LIN7C: variants seen among roughly 807,000 people sequenced by gnomAD.
The protein encoded by LIN7C is protein lin-7 homolog C.
Under a neutral mutation model 24.7 loss-of-function variants are expected in LIN7C, and 17 were observed. The observed-to-expected ratio is 0.69, with a 90% CI of 0.47 to 1.03. LIN7C has a LOEUF of 1.03. Ranked by LOEUF, LIN7C falls within the 50% of genes least tolerant of loss-of-function variation. The pLI, the probability that LIN7C is intolerant of heterozygous loss-of-function variation, is 0.00. For missense variants in LIN7C, 204 were observed against 239.0 expected (o/e 0.85, Z 0.97); for synonymous variants, 90 against 83.4 (o/e 1.08, Z -0.43).
intron 1 of LIN7C, among the ~76,000 whole-genome samples, chr11:27,504,230 C>T (rs1035609585): frequency 2.0e-5 from 3 of 151,982 alleles, no homozygotes; most frequent in African/African-American, 7.3e-5. Flanking sequence ...CCAGAATGAC[C>T]GATACATGGG....
In LIN7C at chr11:27,499,556, C is replaced by T. The variant is rs1320245357; in HGVS notation, c.241G>A (p.Ala81Thr). The change falls in exon 4 of 5, where the codon GCA becomes ACA. Residue 81 changes from alanine (A) to threonine (T), a missense_variant. By Grantham distance (58) the Ala-to-Thr change is moderately conservative. This residue lies in a region of LIN7C where 126 missense variants were observed against 117.8 expected (regional missense o/e 1.07). Transcript: ENST00000278193. ...GAATGTCCTTCACTGGCAGCAAATG[C>T]AGCAACAGTAGCCTGAAAGAAAGTT... is the stretch of plus-strand genomic sequence containing the variant. ...ANATAKATVAAFAASEGHSHP... is the reference protein window; with the variant it reads ...ANATAKATVATFAASEGHSHP... 6.2e-7 allele frequency: 1 copy of T among 1,614,032 alleles called. No homozygotes were observed. Among genetic ancestry groups the T allele is most frequent in the Non-Finnish European group, 8.5e-7 (1 of 1,179,918 alleles).
rs930075526 is a variant in LIN7C at position 27,497,894 on chromosome 11, T to C, written c.*755A>G. ...TTATAATTTGATGTACGGTTGAACATAAATAGGGATGTAATAAGTAATGCT... is the reference window on the plus strand; with the variant it reads ...TTATAATTTGATGTACGGTTGAACACAAATAGGGATGTAATAAGTAATGCT... On this transcript the variant is annotated 3_prime_UTR_variant, in exon 5 of 5. Transcript: ENST00000278193. 5.3e-5 allele frequency: 8 copies of C among 152,156 alleles called. No individual in the cohort carries two copies. The highest frequency in any genetic ancestry group is 1.2e-4 in the Non-Finnish European group (8 of 67,970). 9.4% of individuals were successfully genotyped at this position (152,156 alleles called of 1,614,324 possible).
Position 27,501,974 on chromosome 11 carries a change from A to G in LIN7C, c.38-54T>C, listed in dbSNP as rs188466878. 2.1e-5 allele frequency: 23 copies of G among 1,072,342 alleles called. No homozygotes were observed. In the East Asian group the frequency reaches 4.3e-4, roughly 20 times the overall value. 66.4% of individuals were successfully genotyped at this position (1,072,342 alleles called of 1,614,324 possible). A position where few individuals can be genotyped will look rare whatever the true frequency, so the allele number is the denominator to read the frequency against. On this transcript the variant is annotated intron_variant, in intron 1 of 4. Coordinates refer to ENST00000278193, the MANE Select transcript of LIN7C (RefSeq NM_018362.4). Reference sequence around the variant, plus strand: ...TTCTCCAAGGGTTTTCTCAATGCCTATGTAACAGTGGGGCAGTTAGGATTC... The same window carrying G: ...TTCTCCAAGGGTTTTCTCAATGCCTGTGTAACAGTGGGGCAGTTAGGATTC...
In LIN7C at chr11:27,499,601, C is replaced by G. The variant is rs768316379; in HGVS notation, c.229-33G>C. 3.9e-6 allele frequency: 6 copies of G among 1,555,302 alleles called. No homozygotes were observed. In the South Asian group the frequency reaches 5.6e-5, roughly 15 times the overall value. ...AAAGTTTTACATATTAAAAATATGA[C>G]TTTTATTTACTTCAGTTCTTTCATC... On this transcript the variant is annotated intron_variant, in intron 3 of 4. Coordinates refer to ENST00000278193, the MANE Select transcript of LIN7C (RefSeq NM_018362.4).
intron 1 of LIN7C, among the ~76,000 whole-genome samples, chr11:27,502,831 G>T (rs1361679395): frequency 1.3e-5 from 2 of 152,224 alleles, no homozygotes; most frequent in Non-Finnish European, 2.9e-5. Flanking sequence ...AGAAATATTG[G>T]CTGGGAATAG....
At position 27,498,328 on chromosome 11, in the gene LIN7C, T is replaced by A. The variant is rs574524713; in HGVS notation, c.*321A>T. 1 of 189,434 alleles carries A rather than the reference T, an allele frequency of 5.3e-6. No homozygotes were observed. The highest frequency in any genetic ancestry group is 1.9e-4 in the South Asian group (1 of 5,222). The allele number at this position is 189,434 out of a possible 1,614,324, so 11.7% of individuals were successfully genotyped here. On this transcript the variant is annotated 3_prime_UTR_variant, in exon 5 of 5. Coordinates refer to ENST00000278193, the MANE Select transcript of LIN7C (RefSeq NM_018362.4). Reference sequence around the variant, plus strand: ...TTCCTTTCTAAAAAAAGATTAAGAATGTAAAAGTACATTTTAATATTAAAA... The same window carrying A: ...TTCCTTTCTAAAAAAAGATTAAGAAAGTAAAAGTACATTTTAATATTAAAA...
At position 27,496,466 on chromosome 11, in the gene LIN7C, G is replaced by A; in HGVS notation, c.*2183C>T. On this transcript the variant is annotated 3_prime_UTR_variant, in exon 5 of 5. Coordinates refer to ENST00000278193, the MANE Select transcript of LIN7C (RefSeq NM_018362.4). ...TGTACATCTTTGCCAATGAATGACTGTATTTTTCTATGGTCAAGATTTAAA... is the reference window on the plus strand; with the variant it reads ...TGTACATCTTTGCCAATGAATGACTATATTTTTCTATGGTCAAGATTTAAA... 1 of 152,134 alleles carries A rather than the reference G, an allele frequency of 6.6e-6. No individual in the cohort carries two copies. Among genetic ancestry groups the A allele is most frequent in the Non-Finnish European group, 1.5e-5 (1 of 68,034 alleles). 9.4% of individuals were successfully genotyped at this position (152,134 alleles called of 1,614,324 possible).
At chr11:27,502,228 C>T (rs745836218) in intron 1 of LIN7C, among the ~76,000 whole-genome samples, 12 of 152,110 alleles carry the variant, frequency 7.9e-5, no homozygotes, top group Non-Finnish European at 1.8e-4. Flanking sequence ...CAAATGTCAT[C>T]GGAAAGGACT....
Position 27,501,875 on chromosome 11 carries a change from C to T in LIN7C, c.83G>A (p.Gly28Glu). The part of the protein sequence containing the change: ...IELLEKLQRS[G>E]EVPPQKLQAL... The stretch of plus-strand genomic sequence containing the variant: ...CTGAAGTTTCTGTGGTGGTACTTCT[C>T]CACTCCTTTGTAGTTTTTCCAATAA... The change falls in exon 2 of 5, where the codon GGA becomes GAA. Residue 28 changes from glycine to glutamate, a missense_variant. Physicochemically the swap from Gly to Glu is moderately conservative, Grantham distance 98 (BLOSUM62 -2). This residue lies in a region of LIN7C where 126 missense variants were observed against 117.8 expected (regional missense o/e 1.07). Coordinates refer to ENST00000278193, the MANE Select transcript of LIN7C (RefSeq NM_018362.4). The T allele has an allele frequency of 6.2e-7, 1 of 1,612,810 alleles. No individual in the cohort carries two copies. Among genetic ancestry groups the T allele is most frequent in the South Asian group, 1.1e-5 (1 of 91,034 alleles).
intron 3 of LIN7C, 136 bp from the exon 4 acceptor site, chr11:27,499,704 G>A: frequency 1.4e-6 from 1 of 723,328 alleles, no homozygotes; most frequent in East Asian, 2.7e-5. Context: ...CTCACTGCAA[G>A]CTCCACCTCC....
chr11:27,506,607 G>A, intron 1 of LIN7C, 109 bp downstream of exon 1: 2 of 1,293,678 alleles, frequency 1.5e-6, no homozygotes, highest in Non-Finnish European at 2.2e-6. Flanking sequence ...CCGGCACAAG[G>A]GACAGCGTGG....
chr11:27,497,368 G>A lies in LIN7C; in HGVS notation c.*1281C>T, dbSNP rs1440085463. ...TCTTAAAGTACAAATGTTCCTGTAA[G>A]TTGTAACAGAAAATGAACCCCAACT... On this transcript the variant is annotated 3_prime_UTR_variant, in exon 5 of 5. Coordinates refer to ENST00000278193, the MANE Select transcript of LIN7C (RefSeq NM_018362.4). 6.6e-6 allele frequency: 1 copy of A among 152,446 alleles called. No homozygotes were observed. The highest frequency in any genetic ancestry group is 1.5e-5 in the Non-Finnish European group (1 of 67,946). 9.4% of individuals were successfully genotyped at this position (152,446 alleles called of 1,614,324 possible). A position where few individuals can be genotyped will look rare whatever the true frequency, so the allele number is the denominator to read the frequency against.
Position 27,496,121 on chromosome 11 carries a change from C to G in LIN7C, c.*2528G>C, listed in dbSNP as rs2133485149. On this transcript the variant is annotated 3_prime_UTR_variant, in exon 5 of 5. Coordinates refer to ENST00000278193, the MANE Select transcript of LIN7C (RefSeq NM_018362.4). ...GATCATTTTATAATGGGTTATTGAC[C>G]CTAGGTGTCCTTTAGAACCACCTGG... 6.6e-6 allele frequency: 1 copy of G among 151,028 alleles called. No homozygotes were observed. Among genetic ancestry groups the G allele is most frequent in the Middle Eastern group, 3.4e-3 (1 of 294 alleles). The allele number at this position is 151,028 out of a possible 1,614,324, so 9.4% of individuals were successfully genotyped here. A position where few individuals can be genotyped will look rare whatever the true frequency, so the allele number is the denominator to read the frequency against.
Position 27,498,465 on chromosome 11 carries a change from A to G in LIN7C, c.*184T>C. ...ATCACCTTTTACTTTTTCTTGTCAG[A>G]AAAAAGTGTATGCATCTCTGGAACC... On this transcript the variant is annotated 3_prime_UTR_variant, in exon 5 of 5. Coordinates refer to ENST00000278193, the MANE Select transcript of LIN7C (RefSeq NM_018362.4). 1.8e-6 allele frequency: 1 copy of G among 554,212 alleles called. No individual in the cohort carries two copies. The highest frequency in any genetic ancestry group is 3.0e-6 in the Non-Finnish European group (1 of 328,746). 34.3% of individuals were successfully genotyped at this position (554,212 alleles called of 1,614,324 possible).
intron 1 of LIN7C, among the ~76,000 whole-genome samples, chr11:27,504,080 A>G (rs1256971290): frequency 2.0e-5 from 3 of 151,902 alleles, no homozygotes; most frequent in African/African-American, 7.3e-5. Context: ...GGCCTCCCAA[A>G]GTGCTGGGAT....
rs984491399 is a variant in LIN7C at position 27,496,702 on chromosome 11, A to G, written c.*1947T>C. The G allele has an allele frequency of 3.3e-5, 5 of 152,142 alleles. No homozygotes were observed. Among genetic ancestry groups the G allele is most frequent in the African/African-American group, 9.7e-5 (4 of 41,446 alleles). The allele number at this position is 152,142 out of a possible 1,614,324, so 9.4% of individuals were successfully genotyped here. The stretch of plus-strand genomic sequence containing the variant: ...CAACTTACTAAAAGTTTCAACACCA[A>G]AAAAGATTTAACTTGGCTGAAAGTT... On this transcript the variant is annotated 3_prime_UTR_variant, in exon 5 of 5. Coordinates refer to ENST00000278193, the MANE Select transcript of LIN7C (RefSeq NM_018362.4).
chr11:27,501,503 T>C lies in LIN7C; in HGVS notation c.220A>G (p.Thr74Ala). 1 of 1,595,690 alleles carries C rather than the reference T, an allele frequency of 6.3e-7. No individual in the cohort carries two copies. Among genetic ancestry groups the C allele is most frequent in the Non-Finnish European group, 8.5e-7 (1 of 1,173,390 alleles). The change falls in exon 3 of 5, where the codon ACT (threonine) becomes GCT (alanine). Residue 74 changes from threonine to alanine, a missense_variant. This residue lies in a region of LIN7C where 126 missense variants were observed against 117.8 expected (regional missense o/e 1.07). Coordinates refer to ENST00000278193, the MANE Select transcript of LIN7C (RefSeq NM_018362.4). ...SSSPEVRANA[T>A]AKATVAAFAA... Reference sequence around the variant, plus strand: ...AAAACAAAAAAATTTACCTTTGCAGTAGCGTTCGCTCTCACTTCAGGACTG... The same window carrying C: ...AAAACAAAAAAATTTACCTTTGCAGCAGCGTTCGCTCTCACTTCAGGACTG...
rs1865188425 is a variant in LIN7C at position 27,498,136 on chromosome 11, C to T, written c.*513G>A. 1 of 152,196 alleles carries T rather than the reference C, an allele frequency of 6.6e-6. No homozygotes were observed. The highest frequency in any genetic ancestry group is 6.6e-5 in the Admixed American group (1 of 15,246). The allele number at this position is 152,196 out of a possible 1,614,324, so 9.4% of individuals were successfully genotyped here. A position where few individuals can be genotyped will look rare whatever the true frequency, so the allele number is the denominator to read the frequency against. The stretch of plus-strand genomic sequence containing the variant: ...TGTGTGTTCAAAGTACAAAATGCAG[C>T]AATGATGTTAACATTGACAGTGTAA... On this transcript the variant is annotated 3_prime_UTR_variant, in exon 5 of 5. Coordinates refer to ENST00000278193, the MANE Select transcript of LIN7C (RefSeq NM_018362.4).
chr11:27,499,208 T>TA, intron 4 of LIN7C, 151 bp downstream of exon 4: 16 of 631,550 alleles, frequency 2.5e-5, no homozygotes, highest in Non-Finnish European at 3.8e-5. Flanking sequence ...TTATAGTGCT[T>TA]AAAAAAAAGG....
Sources: gnomAD v4.1 joint callset for allele counts (sites outside exome capture counted in the v4.1 genomes callset) on GRCh38, gnomAD v4.1.1 for gene constraint, gnomAD v4.1.1 regional missense constraint, MANE v1.5 for transcripts, NCBI Gene and HGNC (gene_info 2026-07-23, HGNC 2026-07-21) for gene names.